USP34: variants seen among roughly 807,000 people sequenced by gnomAD.
The protein encoded by USP34 is ubiquitin specific peptidase 34, also known as ubiquitin carboxyl-terminal hydrolase 34.
USP34 carries 70 observed loss-of-function variants against 460.3 expected under a neutral mutation model. The observed-to-expected ratio is 0.15, with a 90% confidence interval of 0.13 to 0.19. The LOEUF is 0.19. Among genes scored for constraint, USP34 ranks in the 10% least tolerant of loss-of-function variants. The probability of loss-of-function intolerance (pLI) is 1.00; values close to 1 mark genes in which losing one functional copy is unlikely to be tolerated. For missense variants in USP34, 3,985 were observed against 4,236.2 expected, an observed-to-expected ratio of 0.94 and a Z score of 1.65; for synonymous variants, 1,647 against 1,405.3, an observed-to-expected ratio of 1.17 and a Z score of -3.85.
chr2:61,222,957 A>G (rs1047960618), intron 64 of USP34, 103 bp downstream of exon 64: 5 of 1,072,984 alleles, frequency 4.7e-6, no homozygotes, highest in Non-Finnish European at 6.6e-6. Context: ...TTGGCCTCCC[A>G]AAGTGCTGGG....
At chr2:61,389,199 T>C (rs1026582671) in intron 5 of USP34, among the ~76,000 whole-genome samples, 1 of 152,192 alleles carries the variant, frequency 6.6e-6, no homozygotes, top group African/African-American at 2.4e-5. Context: ...ATGGAATAGT[T>C]AGTGGCCTGA....
At chr2:61,352,766 T>C (rs190261117) in intron 10 of USP34, among the ~76,000 whole-genome samples, 2 of 151,032 alleles carry the variant, frequency 1.3e-5, no homozygotes, top group East Asian at 1.9e-4. Flanking sequence ...TGCGTGGTGG[T>C]GGCAGCAGCA....
chr2:61,194,846 G>C (rs1270864501), intron 75 of USP34, among the ~76,000 whole-genome samples: 3 of 151,834 alleles, frequency 2.0e-5, no homozygotes, highest in Non-Finnish European at 1.5e-5. Flanking sequence ...CCAGCTACTT[G>C]GGAGGCTGAC....
chr2:61,248,416 T>C, intron 49 of USP34, 95 bp downstream of exon 49: 1 of 1,280,202 alleles, frequency 7.8e-7, no homozygotes, highest in Non-Finnish European at 1.1e-6. Flanking sequence ...TCAATTTTTG[T>C]TAACTGTGTA....
At chr2:61,449,595 T>C (rs1403276093) in intron 1 of USP34, among the ~76,000 whole-genome samples, 3 of 150,382 alleles carry the variant, frequency 2.0e-5, no homozygotes, top group Admixed American at 6.6e-5. Flanking sequence ...ATCAAGACAG[T>C]GTAGTACTGG....
chr2:61,251,124 C>T (rs1056551421), intron 48 of USP34, among the ~76,000 whole-genome samples: 15 of 151,834 alleles, frequency 9.9e-5, no homozygotes, highest in African/African-American at 2.9e-4. Flanking sequence ...GGTGATCAAG[C>T]GAGACTCCAT....
At chr2:61,343,695 G>T in intron 16 of USP34, 120 bp downstream of exon 16, 1 of 1,046,418 alleles carries the variant, frequency 9.6e-7, no homozygotes, top group Non-Finnish European at 1.4e-6. Flanking sequence ...CCATATGTAA[G>T]TTATTTTGAC....
At chr2:61,454,270 C>G (rs1293460207) in intron 1 of USP34, among the ~76,000 whole-genome samples, 1 of 151,852 alleles carries the variant, frequency 6.6e-6, no homozygotes, top group Non-Finnish European at 1.5e-5. Flanking sequence ...GGATTACAGG[C>G]GTGTGCCATC....
At chr2:61,372,610 T>C (rs1028963451) in intron 8 of USP34, among the ~76,000 whole-genome samples, 5 of 151,688 alleles carry the variant, frequency 3.3e-5, no homozygotes, top group African/African-American at 1.2e-4. Flanking sequence ...ACTAAGGAGG[T>C]TGAGGTGGGA....
At chr2:61,299,570 T>G (rs534179490) in intron 29 of USP34, among the ~76,000 whole-genome samples, 1 of 151,850 alleles carries the variant, frequency 6.6e-6, no homozygotes, top group African/African-American at 2.4e-5. Flanking sequence ...CTGGGCAACA[T>G]AGAGAGACCA....
intron 1 of USP34, among the ~76,000 whole-genome samples, chr2:61,421,521 A>C (rs1573024990): frequency 6.6e-6 from 1 of 152,240 alleles, no homozygotes; most frequent in Non-Finnish European, 1.5e-5. Context: ...TTTACAAAGT[A>C]GAAAACATAA....
At chr2:61,456,910 C>T (rs368684228) in intron 1 of USP34, among the ~76,000 whole-genome samples, 4 of 151,918 alleles carry the variant, frequency 2.6e-5, no homozygotes, top group African/African-American at 4.8e-5. Context: ...CCACCTGGGA[C>T]GTTGAGGCTG....
chr2:61,281,326 T>C, intron 37 of USP34, 84 bp from the exon 38 acceptor site: 2 of 1,464,852 alleles, frequency 1.4e-6, no homozygotes, highest in South Asian at 1.4e-5. Flanking sequence ...TAGGTGATTT[T>C]AAATACAATG....
chr2:61,232,281 G>A (rs533811552), intron 58 of USP34, among the ~76,000 whole-genome samples, 171 bp downstream of exon 58: 3 of 152,190 alleles, frequency 2.0e-5, no homozygotes, highest in Admixed American at 1.3e-4. Context: ...GAGAGCTGAT[G>A]TTAAAAGAAC....
rs1034278854 is a variant in USP34 at position 61,344,416 on chromosome 2, G to GC, written c.2286-388dup. On this transcript the variant is annotated intron_variant, in intron 15 of 79. Transcript: ENST00000398571. ...CAAAAAAACATTTCAATTTAAGGCT[G>GC]CAGTCTTGATGGACTTAATATTAAC... 3.3e-5 allele frequency among the ~76,000 whole-genome samples: 5 copies of GC among 152,168 alleles called. No individual in the cohort carries two copies. The East Asian group carries it at 5.8e-4, about 18-fold the overall frequency.
chr2:61,393,947 C>T (rs1478264857), intron 5 of USP34, among the ~76,000 whole-genome samples: 1 of 151,940 alleles, frequency 6.6e-6, no homozygotes, highest in Non-Finnish European at 1.5e-5. Flanking sequence ...ACCAGCCTGG[C>T]CAACATGTAC....
chr2:61,221,433 T>C, intron 66 of USP34, 69 bp downstream of exon 66: 2 of 1,366,934 alleles, frequency 1.5e-6, no homozygotes, highest in Non-Finnish European at 2.0e-6. Flanking sequence ...CTTAAAATGG[T>C]AGTGACTATA....
chr2:61,429,878 A>G (rs900929546), intron 1 of USP34, among the ~76,000 whole-genome samples: 2 of 152,014 alleles, frequency 1.3e-5, no homozygotes, highest in African/African-American at 4.8e-5. Flanking sequence ...TCTGGCCAAC[A>G]TGGTGACACC....
intron 15 of USP34, among the ~76,000 whole-genome samples, chr2:61,344,578 G>A (rs1373038213): frequency 6.6e-6 from 1 of 152,142 alleles, no homozygotes; most frequent in Non-Finnish European, 1.5e-5. Context: ...CTCACAAGTA[G>A]TACCATTAAT....
Sources: gnomAD v4.1 joint callset for allele counts (sites outside exome capture counted in the v4.1 genomes callset) on GRCh38, gnomAD v4.1.1 for gene constraint, MANE v1.5 for transcripts, NCBI Gene and HGNC (gene_info 2026-07-23, HGNC 2026-07-21) for gene names.